The following DCTN1 variants were observed in gnomAD, a reference collection of about 807,000 sequenced individuals.
DCTN1 encodes the protein 150 kDa dynein-associated polypeptide.
DCTN1 carries 61 observed loss-of-function variants against 161.2 expected under a neutral mutation model. That is an observed-to-expected ratio of 0.38 (90% CI 0.31 to 0.47). The LOEUF (loss-of-function observed/expected upper bound fraction) is 0.47, where lower values mean the gene tolerates loss of function less well. Among genes scored for constraint, DCTN1 ranks in the 20% least tolerant of loss-of-function variants. The pLI, the probability that DCTN1 is intolerant of heterozygous loss-of-function variation, is 0.99. For synonymous variants in DCTN1, 653 were observed against 632.4 expected (o/e 1.03, Z -0.49); for missense variants, 1,404 against 1,623.7 (o/e 0.86, Z 2.33).
chr2:74,371,535 A>T lies in DCTN1; in HGVS notation c.645+2T>A. On this transcript the variant is annotated splice_donor_variant, in intron 8 of 31. Coordinates refer to ENST00000628224, the MANE Select transcript of DCTN1 (RefSeq NM_004082.5). LOFTEE classifies it high-confidence loss of function. ...CTCCTTTACCCCTACCCCAGGCCTT[A>T]CCTTGGATGGGGAAGGAAGCGGGGG... 2 of 1,567,096 alleles carry T rather than the reference A, an allele frequency of 1.3e-6. No homozygotes were observed. Among genetic ancestry groups the T allele is most frequent in the Non-Finnish European group, 1.7e-6 (2 of 1,156,162 alleles).
At chr2:74,368,964 G>C (rs1026355186) in intron 15 of DCTN1, 84 bp from the exon 16 acceptor site, 9 of 1,583,096 alleles carry the variant, frequency 5.7e-6, no homozygotes, top group African/African-American at 1.3e-5. Flanking sequence ...TAGATCCCTT[G>C]CTTCTAGGGC....
chr2:74,361,705 T>TC lies in DCTN1; in HGVS notation c.3700-70dup, dbSNP rs1240394286. ...CTTGAGCTGTGGGCCACTGAAGGGG[T>TC]CCCTGAGCACTGAGACCAAGGCAGC... On this transcript the variant is annotated intron_variant, in intron 31 of 31. Coordinates refer to ENST00000628224, the MANE Select transcript of DCTN1 (RefSeq NM_004082.5). The TC allele has an allele frequency of 2.5e-6, 4 of 1,602,052 alleles. No homozygotes were observed. In the Admixed American group the frequency reaches 6.7e-5, roughly 27 times the overall value.
intron 2 of DCTN1, 39 bp downstream of exon 2, chr2:74,377,961 G>A (rs760736318): frequency 1.9e-6 from 3 of 1,612,520 alleles, no homozygotes; most frequent in East Asian, 2.2e-5. Flanking sequence ...CGACAGACAT[G>A]TGCACACATG....
At chr2:74,389,390 A>G (rs1464862557) in intron 1 of DCTN1, among the ~76,000 whole-genome samples, 2 of 152,178 alleles carry the variant, frequency 1.3e-5, no homozygotes, top group Non-Finnish European at 2.9e-5. Flanking sequence ...TGCCCCCAGT[A>G]TCACCTAGTA....
chr2:74,384,066 T>C (rs1292474680), upstream of DCTN1, among the ~76,000 whole-genome samples: 1 of 152,158 alleles, frequency 6.6e-6, no homozygotes, highest in South Asian at 2.1e-4. Flanking sequence ...AGAAATGTAA[T>C]AATTGAAACA....
chr2:74,366,927 C>T lies in DCTN1; in HGVS notation c.2322G>A (p.Gly774=), dbSNP rs917217144. The part of the protein sequence containing the change: ...VGRLRAFLQG[G]QEATDIALLL... ...GGAGGGCAATATCTGTAGCCTCCTG[C>T]CCACCCTACTCAGGAAAAAGAAAAT... Residue 774 remains glycine, a synonymous_variant, in exon 21 of 32, where the codon GGG becomes GGA. Transcript: ENST00000628224. 6.8e-6 allele frequency: 11 copies of T among 1,614,190 alleles called. No homozygotes were observed. The highest frequency in any genetic ancestry group is 9.3e-6 in the Non-Finnish European group (11 of 1,180,038).
chr2:74,380,525 T>G (rs1675469202), upstream of DCTN1: 2 of 472,652 alleles, frequency 4.2e-6, no homozygotes, highest in South Asian at 3.1e-5. Context: ...TCCCCCAGGA[T>G]GTAAGGCCTC....
intron 1 of DCTN1, 59 bp from the exon 2 acceptor site, chr2:74,378,304 A>C: frequency 6.3e-7 from 1 of 1,591,992 alleles, no homozygotes; most frequent in Non-Finnish European, 8.5e-7. Context: ...TGGCATTCTT[A>C]TGTATAAGAA....
intron 5 of DCTN1, among the ~76,000 whole-genome samples, chr2:74,375,021 C>T (rs1002633215): frequency 2.0e-5 from 3 of 152,074 alleles, no homozygotes; most frequent in Admixed American, 2.0e-4. Flanking sequence ...CACCTACCCA[C>T]AGCCCCATTA....
chr2:74,374,623 G>A (rs946084399), intron 5 of DCTN1: 12 of 1,241,736 alleles, frequency 9.7e-6, no homozygotes, highest in African/African-American at 4.7e-5. Context: ...GCACCGGAGC[G>A]GTGCCTGGCC....
At chr2:74,377,316 G>C in intron 4 of DCTN1, 116 bp downstream of exon 4, 1 of 889,526 alleles carries the variant, frequency 1.1e-6, no homozygotes, top group Non-Finnish European at 1.9e-6. Context: ...AAGTTGGAGA[G>C]ACTAGAAGGC....
At chr2:74,383,103 T>A (rs143839784), upstream of DCTN1, among the ~76,000 whole-genome samples, 2,983 of 150,756 alleles carry the variant, frequency 0.02, 113 homozygotes, top group African/African-American at 0.068. Context: ...AATAAATAAA[T>A]AAAATAAAAA....
At chr2:74,390,121 C>G (rs1675927187) in intron 1 of DCTN1, among the ~76,000 whole-genome samples, 1 of 152,170 alleles carries the variant, frequency 6.6e-6, no homozygotes, top group Non-Finnish European at 1.5e-5. Context: ...ACCCATCCTT[C>G]AAAGTCCAGC....
rs920237300 is a variant in DCTN1, at chr2:74,367,847, C to T, written c.2033G>A (p.Ser678Asn). ...GCCCACTTTCTTATACACATCCACA[C>T]TGCACTGAGAGAGGGCACTAGAGAC... Reference protein sequence around the residue: ...HRYEHALSQCSVDVYKKVGSL... With the variant: ...HRYEHALSQCNVDVYKKVGSL... The change falls in exon 18 of 32, where the codon AGT (serine) becomes AAT (asparagine). Residue 678 changes from serine (S) to asparagine (N), a missense_variant. By Grantham distance (46) the Ser-to-Asn change is conservative. Coordinates refer to ENST00000628224, the MANE Select transcript of DCTN1 (RefSeq NM_004082.5). 4 of 1,614,232 alleles carry T rather than the reference C, an allele frequency of 2.5e-6. No homozygotes were observed. The highest frequency in any genetic ancestry group is 3.4e-6 in the Non-Finnish European group (4 of 1,180,046).
At chr2:74,381,615 C>T (rs1455604858), upstream of DCTN1, among the ~76,000 whole-genome samples, 1 of 152,166 alleles carries the variant, frequency 6.6e-6, no homozygotes, top group Non-Finnish European at 1.5e-5. Context: ...GAGCACTTTA[C>T]AGTCTATAGG....
rs2103654707 is a variant in DCTN1 at position 74,370,197 on chromosome 2, G to A, written c.1276C>T (p.Leu426Phe). 1 of 1,613,856 alleles carries A rather than the reference G, an allele frequency of 6.2e-7. No individual in the cohort carries two copies. Among genetic ancestry groups the A allele is most frequent in the Middle Eastern group, 1.6e-4 (1 of 6,062 alleles). ...LSQAESTIDE[L>F]KEQVDAALGA... ...TGGGCTCCCCAGACCTGCTCCTTGA[G>A]CTCATCAATGGTGCTCTCTGCCTGG... The change falls in exon 12 of 32, where the codon CTC becomes TTC. Residue 426 changes from leucine to phenylalanine, a missense_variant. Physicochemically the swap from Leu to Phe is conservative, Grantham distance 22. This residue lies in a region of DCTN1 where 278 missense variants were observed against 363.8 expected (regional missense o/e 0.76). Transcript: ENST00000628224. The surrounding 1 kb of genome is among the most constrained non-coding windows in gnomAD (Gnocchi z 4.4).
chr2:74,377,600 G>A (rs1558948576), intron 3 of DCTN1, 48 bp downstream of exon 3: 1 of 1,558,354 alleles, frequency 6.4e-7, no homozygotes, highest in South Asian at 1.1e-5. Flanking sequence ...GAAGTCCTGG[G>A]GACTCCTCCT....
intron 16 of DCTN1, chr2:74,368,398 C>A: frequency 1.6e-6 from 1 of 606,358 alleles, no homozygotes; most frequent in South Asian, 2.0e-5. Flanking sequence ...AGCTGCCACT[C>A]CTGCTATCTC....
At chr2:74,364,310 T>C (rs1674241171) in intron 26 of DCTN1, 1 of 159,530 alleles carries the variant, frequency 6.3e-6, no homozygotes, top group African/African-American at 2.4e-5. Context: ...AAAGACTCTA[T>C]GTAGGTGAGG....
Sources: allele counts gnomAD v4.1 joint callset (sites outside exome capture counted in the v4.1 genomes callset), GRCh38; gene constraint gnomAD v4.1.1; regional missense constraint gnomAD v4.1.1; non-coding constraint Gnocchi (gnomAD v3.1); transcripts MANE v1.5; gene names NCBI Gene and HGNC (gene_info 2026-07-23, HGNC 2026-07-21).